The following NSMCE2 variants were observed in gnomAD, a reference collection of about 807,000 sequenced individuals.
NSMCE2 encodes the protein E3 SUMO-protein ligase NSE2.
In NSMCE2, 24 loss-of-function variants were observed where a neutral mutation model predicts 23.8. That is an observed-to-expected ratio of 1.01 (90% CI 0.73 to 1.42). The LOEUF is 1.42. Among genes scored for constraint, NSMCE2 ranks in the 40% most tolerant of loss-of-function variants. The pLI, the probability that NSMCE2 is intolerant of heterozygous loss-of-function variation, is 0.00. For missense variants in NSMCE2, 284 were observed against 296.5 expected, an observed-to-expected ratio of 0.96 and a Z score of 0.31; for synonymous variants, 92 against 94.1, an observed-to-expected ratio of 0.98 and a Z score of 0.13.
intron 5 of NSMCE2, among the ~76,000 whole-genome samples, chr8:125,296,526 C>G (rs1828333948): frequency 6.6e-6 from 1 of 151,414 alleles, no homozygotes; most frequent in East Asian, 1.9e-4. Flanking sequence ...TCCCTAGTAG[C>G]TGGGATTACA....
intron 7 of NSMCE2, among the ~76,000 whole-genome samples, chr8:125,360,214 AG>A (rs1456775110): frequency 6.6e-6 from 1 of 152,164 alleles, no homozygotes; most frequent in African/African-American, 2.4e-5. Context: ...CCTAAATGCA[AG>A]GTCCCAGCAA....
chr8:125,281,418 G>A (rs1827690607), intron 5 of NSMCE2, among the ~76,000 whole-genome samples: 1 of 152,164 alleles, frequency 6.6e-6, no homozygotes, highest in South Asian at 2.1e-4. Context: ...GGTTGCCAGA[G>A]GAGATCACTG....
At chr8:125,231,574 T>C (rs115923709) in intron 5 of NSMCE2, among the ~76,000 whole-genome samples, 1 of 152,174 alleles carries the variant, frequency 6.6e-6, no homozygotes, top group Non-Finnish European at 1.5e-5. Context: ...ACACTATAGA[T>C]TGCAACCCAC....
chr8:125,138,003 T>C (rs1288747483), intron 3 of NSMCE2, among the ~76,000 whole-genome samples: 1 of 152,236 alleles, frequency 6.6e-6, no homozygotes, highest in Non-Finnish European at 1.5e-5. Context: ...GTCAAATTTA[T>C]GTGTCACAGA....
At chr8:125,358,345 A>G (rs967558351) in intron 7 of NSMCE2, among the ~76,000 whole-genome samples, 4 of 151,538 alleles carry the variant, frequency 2.6e-5, no homozygotes, top group Non-Finnish European at 5.9e-5. Flanking sequence ...AAAAAAAAAA[A>G]GGTTTAGGTA....
chr8:125,351,851 A>AC (rs1813049802), intron 5 of NSMCE2, among the ~76,000 whole-genome samples: 1 of 152,022 alleles, frequency 6.6e-6, no homozygotes, highest in Non-Finnish European at 1.5e-5. Flanking sequence ...ATCTCTACTA[A>AC]AAATACACAA....
chr8:125,150,828 G>A (rs2130676870), intron 3 of NSMCE2, among the ~76,000 whole-genome samples: 1 of 152,200 alleles, frequency 6.6e-6, no homozygotes, highest in East Asian at 1.9e-4. Context: ...ATGGATGAGG[G>A]AACTGAGGCT....
intron 3 of NSMCE2, among the ~76,000 whole-genome samples, chr8:125,111,338 G>T (rs1818737333): frequency 6.6e-6 from 1 of 152,072 alleles, no homozygotes; most frequent in Non-Finnish European, 1.5e-5. Context: ...GGGTGCTTTG[G>T]GGGTAAGATT....
chr8:125,294,019 T>TG (rs1828224924), intron 5 of NSMCE2, among the ~76,000 whole-genome samples: 1 of 152,212 alleles, frequency 6.6e-6, no homozygotes, highest in Admixed American at 6.5e-5. Flanking sequence ...CTACTTTCTA[T>TG]CTCTATTTGC....
intron 5 of NSMCE2, among the ~76,000 whole-genome samples, chr8:125,198,374 T>G (rs1203292725): frequency 1.3e-5 from 2 of 152,174 alleles, no homozygotes; most frequent in African/African-American, 2.4e-5. Flanking sequence ...CGATACCTAG[T>G]TTATTGAGAG....
rs1458103616 is a variant in NSMCE2, at chr8:125,093,821, C to T, written c.-111+1863C>T. On this transcript the variant is annotated intron_variant, in intron 1 of 7. Coordinates refer to ENST00000287437, the MANE Select transcript of NSMCE2 (RefSeq NM_173685.4). The stretch of plus-strand genomic sequence containing the variant: ...TCCTCTTTTTCCTTTTTGGTGACAG[C>T]GTCTCACTCTTATCGTCCAGGCTAG... 3.9e-5 allele frequency among the ~76,000 whole-genome samples: 6 copies of T among 152,196 alleles called. No homozygotes were observed. The East Asian group carries it at 9.7e-4, about 25-fold the overall frequency.
At chr8:125,190,201 ATCTG>A (rs1350495493) in intron 5 of NSMCE2, among the ~76,000 whole-genome samples, 1 of 152,190 alleles carries the variant, frequency 6.6e-6, no homozygotes, top group African/African-American at 2.4e-5. Flanking sequence ...CTGAGTCAGC[ATCTG>A]TCTGACTCTT....
At chr8:125,299,016 C>T (rs1828445703) in intron 5 of NSMCE2, among the ~76,000 whole-genome samples, 1 of 152,176 alleles carries the variant, frequency 6.6e-6, no homozygotes, top group Non-Finnish European at 1.5e-5. Context: ...CAAGGTAGCA[C>T]ATTTCAGGAA....
chr8:125,122,519 T>C (rs971034359), intron 3 of NSMCE2, among the ~76,000 whole-genome samples: 1 of 152,222 alleles, frequency 6.6e-6, no homozygotes, highest in Non-Finnish European at 1.5e-5. Context: ...ATATGCTCTT[T>C]AAGCCTCTTT....
chr8:125,198,401 C>CGT (rs1823722431), intron 5 of NSMCE2, among the ~76,000 whole-genome samples: 1 of 152,010 alleles, frequency 6.6e-6, no homozygotes, highest in East Asian at 1.9e-4. Context: ...GCATGAAAGG[C>CGT]TGTTGAATTT....
At chr8:125,341,741 C>G (rs1363138778) in intron 5 of NSMCE2, among the ~76,000 whole-genome samples, 2 of 152,040 alleles carry the variant, frequency 1.3e-5, no homozygotes, top group Non-Finnish European at 2.9e-5. Context: ...GAAGTCCATT[C>G]TTGTATGAAA....
chr8:125,250,093 G>A (rs1247146350), intron 5 of NSMCE2, among the ~76,000 whole-genome samples: 2 of 152,168 alleles, frequency 1.3e-5, no homozygotes, highest in South Asian at 2.1e-4. Context: ...GGGTTCAAGC[G>A]ATTCTCCTGC....
At chr8:125,257,250 C>A (rs997790459) in intron 5 of NSMCE2, among the ~76,000 whole-genome samples, 6 of 150,844 alleles carry the variant, frequency 4.0e-5, no homozygotes, top group South Asian at 2.1e-4. Context: ...TGTCACTGCA[C>A]TCCAACCTAG....
intron 5 of NSMCE2, among the ~76,000 whole-genome samples, chr8:125,292,581 T>A (rs1563767103): frequency 6.6e-6 from 1 of 151,566 alleles, no homozygotes; most frequent in Non-Finnish European, 1.5e-5. Flanking sequence ...ATGGGAAACA[T>A]GAAAAAGAAA....
Sources: gnomAD v4.1 joint callset for allele counts (sites outside exome capture counted in the v4.1 genomes callset) on GRCh38, gnomAD v4.1.1 for gene constraint, MANE v1.5 for transcripts, NCBI Gene and HGNC (gene_info 2026-07-23, HGNC 2026-07-21) for gene names.